MOV10L1: variants seen among roughly 807,000 people sequenced by gnomAD.
The protein encoded by MOV10L1 is Mov10 like RNA helicase 1, also known as RNA helicase Mov10l1.
A neutral mutation model predicts 143.8 loss-of-function variants in MOV10L1; 110 were observed. The ratio of observed to expected loss-of-function variants is 0.76; its 90% CI spans 0.66 to 0.90. MOV10L1 has a LOEUF of 0.90. Ranked by LOEUF, MOV10L1 falls within the 40% of genes least tolerant of loss-of-function variation. The pLI, the probability that MOV10L1 is intolerant of heterozygous loss-of-function variation, is 0.00. For missense variants in MOV10L1, 1,406 were observed against 1,526.8 expected, an observed-to-expected ratio of 0.92 and a Z score of 1.32; for synonymous variants, 593 against 581.1, an observed-to-expected ratio of 1.02 and a Z score of -0.29.
At chr22:50,148,883 C>G (rs941607731) in intron 19 of MOV10L1, among the ~76,000 whole-genome samples, 1 of 152,116 alleles carries the variant, frequency 6.6e-6, no homozygotes, top group Non-Finnish European at 1.5e-5. Flanking sequence ...CCAGGATGGT[C>G]TTGATCTCCT....
chr22:50,134,383 T>G, intron 14 of MOV10L1, 147 bp from the exon 15 acceptor site: 1 of 644,590 alleles, frequency 1.6e-6, no homozygotes, highest in African/African-American at 1.8e-5. Context: ...CTAATAATGC[T>G]ATAATTTAGA....
chr22:50,134,740 T>C (rs2062775283), intron 15 of MOV10L1, 110 bp downstream of exon 15: 6 of 900,148 alleles, frequency 6.7e-6, no homozygotes, highest in Non-Finnish European at 7.1e-6. Flanking sequence ...AGGGGATGGC[T>C]CAGCGATGTA....
At chr22:50,151,611 C>T (rs2063298684) in intron 21 of MOV10L1, among the ~76,000 whole-genome samples, 1 of 152,204 alleles carries the variant, frequency 6.6e-6, no homozygotes, top group Non-Finnish European at 1.5e-5. Flanking sequence ...GAAACTGCCC[C>T]CAGGAAGATG....
chr22:50,144,289 G>C, intron 18 of MOV10L1, 46 bp downstream of exon 18: 1 of 1,554,212 alleles, frequency 6.4e-7, no homozygotes, highest in Non-Finnish European at 8.7e-7. Flanking sequence ...ACCCCTCCCT[G>C]GAACATAGGA....
chr22:50,110,311 TG>T (rs1394217991), intron 5 of MOV10L1, among the ~76,000 whole-genome samples: 1 of 151,568 alleles, frequency 6.6e-6, no homozygotes, highest in Non-Finnish European at 1.5e-5. Context: ...TAGCCAGGCG[TG>T]GTGGCCGGCG....
intron 13 of MOV10L1, among the ~76,000 whole-genome samples, chr22:50,130,250 G>A (rs183928367): frequency 6.6e-6 from 1 of 152,216 alleles, no homozygotes; most frequent in East Asian, 1.9e-4. Context: ...ACTCCAGCCT[G>A]AGACAGAGCG....
At chr22:50,141,949 C>G in intron 15 of MOV10L1, 132 bp from the exon 16 acceptor site, 1 of 529,100 alleles carries the variant, frequency 1.9e-6, no homozygotes, top group Non-Finnish European at 3.1e-6. Context: ...AGGGTCTGAC[C>G]TGTGATCCAT....
intron 17 of MOV10L1, 43 bp from the exon 18 acceptor site, chr22:50,144,054 G>T (rs775638023): frequency 3.8e-6 from 6 of 1,586,116 alleles, no homozygotes; most frequent in Non-Finnish European, 5.2e-6. Flanking sequence ...CCACCTTGCG[G>T]TGTGGATGTT....
chr22:50,103,604 G>C (rs2061799442), intron 3 of MOV10L1, among the ~76,000 whole-genome samples: 1 of 152,178 alleles, frequency 6.6e-6, no homozygotes, highest in African/African-American at 2.4e-5. Flanking sequence ...CCACTGGCCT[G>C]AAGGTGGGGT....
chr22:50,150,782 C>T lies in MOV10L1; in HGVS notation c.2775C>T (p.Ser925=). 6.2e-7 allele frequency: 1 copy of T among 1,614,184 alleles called. No homozygotes were observed. The highest frequency in any genetic ancestry group is 1.1e-5 in the South Asian group (1 of 91,078). Residue 925 remains serine (S), a synonymous_variant, in exon 21 of 27, where the codon TCC becomes TCT. Coordinates refer to ENST00000262794, the MANE Select transcript of MOV10L1 (RefSeq NM_018995.3). ...TGCAGCTCGGCCCAGTCATTAAGTC[C>T]AGACTCGCCATGGCCTATGGGCTGA... ...DPMQLGPVIK[S]RLAMAYGLNV...
chr22:50,138,947 C>A (rs1448577604), intron 15 of MOV10L1, among the ~76,000 whole-genome samples: 1 of 152,016 alleles, frequency 6.6e-6, no homozygotes, highest in Non-Finnish European at 1.5e-5. Flanking sequence ...CATGATCCGC[C>A]CACCTCAGCC....
intron 15 of MOV10L1, among the ~76,000 whole-genome samples, chr22:50,139,656 T>C (rs1486460630): frequency 6.6e-6 from 1 of 152,142 alleles, no homozygotes; most frequent in Non-Finnish European, 1.5e-5. Context: ...GGAAAACATA[T>C]GAAAGTACTC....
At position 50,158,333 on chromosome 22, in the gene MOV10L1, C is replaced by G. The variant is rs1004777833; in HGVS notation, c.3216+127C>G. 1.7e-6 allele frequency: 2 copies of G among 1,188,666 alleles called. No homozygotes were observed. The highest frequency in any genetic ancestry group is 1.6e-5 in the South Asian group (1 of 63,936). 73.6% of individuals were successfully genotyped at this position (1,188,666 alleles called of 1,614,324 possible). Reference sequence around the variant, plus strand: ...CAGCAGGTTTTTAAAGGGGCAGGACCGCACTTGAATGTCGTTCAACATGAG... The same window carrying G: ...CAGCAGGTTTTTAAAGGGGCAGGACGGCACTTGAATGTCGTTCAACATGAG... On this transcript the variant is annotated intron_variant, in intron 23 of 26. Coordinates refer to ENST00000262794, the MANE Select transcript of MOV10L1 (RefSeq NM_018995.3). This position sits in a 1 kb window ranked among gnomAD's most constrained non-coding sequence, Gnocchi z 5.0.
chr22:50,161,127 C>G, intron 26 of MOV10L1, 72 bp downstream of exon 26: 1 of 1,447,102 alleles, frequency 6.9e-7, no homozygotes, highest in Non-Finnish European at 9.7e-7. Flanking sequence ...CTCCCCTGCT[C>G]CCCTCACCCC....
intron 22 of MOV10L1, among the ~76,000 whole-genome samples, chr22:50,153,806 T>C (rs2063357834): frequency 1.3e-5 from 2 of 152,042 alleles, no homozygotes; most frequent in Admixed American, 1.3e-4. Context: ...GGAGTTTAGT[T>C]AGAGCAGAAA....
chr22:50,127,622 A>G (rs977566152), intron 12 of MOV10L1, among the ~76,000 whole-genome samples: 3 of 152,208 alleles, frequency 2.0e-5, no homozygotes, highest in Admixed American at 2.0e-4. Context: ...AGTCACCTGG[A>G]GAAGAGCTTG....
rs758062853 is a variant in MOV10L1, at chr22:50,114,407, TAGTC to T, written c.914_917del (p.Val305AlafsTer46). 14 of 1,614,082 alleles carry T rather than the reference TAGTC, an allele frequency of 8.7e-6. No homozygotes were observed. The Admixed American group carries it at 1.8e-4, about 21-fold the overall frequency. ...AATAAAGGAGACATTCCTCAAAACT[TAGTC>T]AGCTGTAAACTGGCTGGCTGGGATA... On this transcript the variant is annotated frameshift_variant, in exon 7 of 27. Transcript: ENST00000262794. LOFTEE classifies it high-confidence loss of function.
intron 19 of MOV10L1, chr22:50,146,993 C>T: frequency 6.8e-7 from 1 of 1,470,580 alleles, no homozygotes; most frequent in Non-Finnish European, 9.3e-7. Context: ...CCGGATTGGA[C>T]AGCACGGATC....
In MOV10L1 at chr22:50,114,619, C is replaced by A. The variant is rs1416974108; in HGVS notation, c.1123C>A (p.Pro375Thr). 1.2e-5 allele frequency: 19 copies of A among 1,613,662 alleles called. No homozygotes were observed. Among genetic ancestry groups the A allele is most frequent in the Non-Finnish European group, 1.6e-5 (19 of 1,179,748 alleles). ...TTTGGTGAACAACAGAGGAATCTCT[C>A]CAGGTAGTGGACGTTTCGGCTGTCA... ...SSLVNNRGIS[P>T]GDCTCKGENG... Residue 375 changes from proline (P) to threonine (T), a missense_variant, in exon 7 of 27, where the codon CCA becomes ACA. By Grantham distance (38) the Pro-to-Thr change is conservative. Coordinates refer to ENST00000262794, the MANE Select transcript of MOV10L1 (RefSeq NM_018995.3).
Sources: gnomAD v4.1 joint callset for allele counts (sites outside exome capture counted in the v4.1 genomes callset) on GRCh38, gnomAD v4.1.1 for gene constraint, Gnocchi (gnomAD v3.1) non-coding constraint, MANE v1.5 for transcripts, NCBI Gene and HGNC (gene_info 2026-07-23, HGNC 2026-07-21) for gene names.